The following MCUB variants were observed in gnomAD, a reference collection of about 807,000 sequenced individuals.
MCUB encodes the protein mitochondrial calcium uniporter dominant negative subunit beta.
In MCUB, 46 loss-of-function variants were observed where a neutral mutation model predicts 41.4. The observed-to-expected ratio is 1.11, with a 90% CI of 0.88 to 1.42. The LOEUF is 1.42. Ranked by LOEUF, MCUB falls within the 40% of genes most tolerant of loss-of-function variation. MCUB has a pLI of 0.00. For synonymous variants in MCUB, 148 were observed against 148.2 expected, an observed-to-expected ratio of 1.00 and a Z score of 0.01; for missense variants, 403 against 404.9, an observed-to-expected ratio of 1.00 and a Z score of 0.04.
At chr4:109,612,835 G>T (rs562010312) in intron 1 of MCUB, among the ~76,000 whole-genome samples, 2 of 152,224 alleles carry the variant, frequency 1.3e-5, no homozygotes, top group Admixed American at 6.5e-5. Context: ...GGCCGGGTGC[G>T]GTGTCTCACG....
At chr4:109,611,464 T>C (rs920942025) in intron 1 of MCUB, among the ~76,000 whole-genome samples, 2 of 152,222 alleles carry the variant, frequency 1.3e-5, no homozygotes, top group African/African-American at 4.8e-5. Context: ...TGTATTTCCA[T>C]GTCTTGGGAG....
At chr4:109,568,041 T>C (rs922580468) in intron 1 of MCUB, among the ~76,000 whole-genome samples, 2 of 152,204 alleles carry the variant, frequency 1.3e-5, no homozygotes, top group East Asian at 3.9e-4. Flanking sequence ...AACTTCTTTC[T>C]AGAGACTGAC....
intron 1 of MCUB, among the ~76,000 whole-genome samples, chr4:109,571,282 C>T (rs945528177): frequency 6.6e-6 from 1 of 151,566 alleles, no homozygotes; most frequent in African/African-American, 2.4e-5. Flanking sequence ...GCTGCTGAAA[C>T]AAAAAAACCT....
chr4:109,648,458 C>T (rs556721087), intron 1 of MCUB: 17 of 313,398 alleles, frequency 5.4e-5, no homozygotes, highest in East Asian at 3.5e-4. Context: ...AAATGCCAAA[C>T]GTATTCTGTT....
intron 1 of MCUB, among the ~76,000 whole-genome samples, chr4:109,598,818 T>C (rs1275406969): frequency 6.6e-6 from 1 of 152,232 alleles, no homozygotes; most frequent in African/African-American, 2.4e-5. Flanking sequence ...CATAGTCAAA[T>C]GGTTAATTTT....
chr4:109,579,367 A>G lies in MCUB; in HGVS notation c.99+18931A>G, dbSNP rs188098804. On this transcript the variant is annotated intron_variant, in intron 1 of 7. Transcript: ENST00000394650. ...TGGGTTCAAGCGATTCTCCTGCCTC[A>G]GCCTCCTGAGTAGCTGGGACTACAG... Among the ~76,000 whole-genome samples the G allele has an allele frequency of 5.5e-3, 844 of 152,076 alleles. 6 individuals are homozygous for G. Among genetic ancestry groups the G allele is most frequent in the African/African-American group, 0.019 (787 of 41,486 alleles).
chr4:109,667,288 T>C lies in MCUB; in HGVS notation c.451+2894T>C, dbSNP rs569609039. On this transcript the variant is annotated intron_variant, in intron 4 of 7. Coordinates refer to ENST00000394650, the MANE Select transcript of MCUB (RefSeq NM_017918.5). ...TAGGTATAGGCTTATGTAGATTGTG[T>C]ATTTCTTTTTGTGTGAGTTTTGATA... 2.6e-5 allele frequency among the ~76,000 whole-genome samples: 4 copies of C among 152,238 alleles called. No homozygotes were observed. The South Asian group carries it at 8.3e-4, about 32-fold the overall frequency.
At chr4:109,648,266 T>C (rs1728880748) in intron 1 of MCUB, among the ~76,000 whole-genome samples, 1 of 152,132 alleles carries the variant, frequency 6.6e-6, no homozygotes, top group Admixed American at 6.6e-5. Context: ...GGAATATAAT[T>C]TCAGTGGTCC....
chr4:109,657,467 C>T (rs34682042), intron 1 of MCUB, among the ~76,000 whole-genome samples: 15,960 of 151,890 alleles, frequency 0.11, 948 homozygotes, highest in African/African-American at 0.14. Context: ...AATAGTGTAC[C>T]CTCAAATCCT....
chr4:109,651,067 T>C (rs1728950592), intron 1 of MCUB, among the ~76,000 whole-genome samples: 1 of 152,236 alleles, frequency 6.6e-6, no homozygotes, highest in African/African-American at 2.4e-5. Flanking sequence ...TTTGAAGTTA[T>C]TATTTTTCCT....
At chr4:109,578,197 A>G (rs1193021774) in intron 1 of MCUB, among the ~76,000 whole-genome samples, 2 of 152,188 alleles carry the variant, frequency 1.3e-5, no homozygotes, top group African/African-American at 4.8e-5. Context: ...CACACAAAAA[A>G]TCCAGTATCT....
intron 1 of MCUB, among the ~76,000 whole-genome samples, chr4:109,657,888 CGCTTTT>C (rs754422088): frequency 2.7e-4 from 41 of 152,342 alleles, no homozygotes; most frequent in Non-Finnish European, 4.7e-4. Flanking sequence ...GCTATTCCTG[CGCTTTT>C]GCTTTTCAGT....
chr4:109,638,844 C>T (rs1340925832), intron 1 of MCUB, among the ~76,000 whole-genome samples: 2 of 152,162 alleles, frequency 1.3e-5, no homozygotes, highest in Non-Finnish European at 2.9e-5. Flanking sequence ...ACTTTCTTTG[C>T]TCAGCCATAT....
intron 1 of MCUB, among the ~76,000 whole-genome samples, chr4:109,608,026 A>G (rs1389018100): frequency 6.6e-6 from 1 of 152,128 alleles, no homozygotes; most frequent in Admixed American, 6.5e-5. Context: ...ACTCTTAGAT[A>G]TGACCCTTTG....
At chr4:109,658,511 G>A (rs1729155872) in intron 1 of MCUB, among the ~76,000 whole-genome samples, 5 of 152,098 alleles carry the variant, frequency 3.3e-5, no homozygotes, top group Admixed American at 3.3e-4. Context: ...TGGTCAGGCT[G>A]GTCGCGAACT....
chr4:109,592,063 T>C (rs1727449025), intron 1 of MCUB, among the ~76,000 whole-genome samples: 1 of 152,182 alleles, frequency 6.6e-6, no homozygotes, highest in South Asian at 2.1e-4. Flanking sequence ...TCTGCTGTTT[T>C]AATTCTTTAA....
rs10557098 is a variant in MCUB at position 109,618,952 on chromosome 4, T to TTCTCTCTCTCTCTCTCTCTC, written c.100-40041_100-40022dup. On this transcript the variant is annotated intron_variant, in intron 1 of 7. Coordinates refer to ENST00000394650, the MANE Select transcript of MCUB (RefSeq NM_017918.5). ...TCAAGTTCATTATTGAACATTAAAC[T>TTCTCTCTCTCTCTCTCTCTC]TCTCTCTCTCTCTCTCTCTCTCTCT... 5.5e-5 allele frequency among the ~76,000 whole-genome samples: 7 copies of TTCTCTCTCTCTCTCTCTCTC among 127,736 alleles called. 1 individual carries two copies. Among genetic ancestry groups the TTCTCTCTCTCTCTCTCTCTC allele is most frequent in the East Asian group, 2.4e-4 (1 of 4,136 alleles). The allele number at this position is 127,736 out of a possible 152,430, so 83.8% of individuals were successfully genotyped here.
At chr4:109,649,105 A>G (rs1032256046) in intron 1 of MCUB, among the ~76,000 whole-genome samples, 4 of 152,166 alleles carry the variant, frequency 2.6e-5, no homozygotes, top group South Asian at 2.1e-4. Context: ...ATGAAAGCCT[A>G]TGAGTAGTTA....
At chr4:109,677,594 G>A (rs1729600917) in intron 4 of MCUB, among the ~76,000 whole-genome samples, 1 of 152,150 alleles carries the variant, frequency 6.6e-6, no homozygotes, top group South Asian at 2.1e-4. Context: ...CAACGTGAGT[G>A]GATTAATGTC....
Sources: allele counts gnomAD v4.1 joint callset (sites outside exome capture counted in the v4.1 genomes callset), GRCh38; gene constraint gnomAD v4.1.1; transcripts MANE v1.5; gene names NCBI Gene and HGNC (gene_info 2026-07-23, HGNC 2026-07-21).